The following WDR49 variants were observed in gnomAD, a reference collection of about 807,000 sequenced individuals.
WDR49 encodes cilia- and flagella-associated protein 337.
Under a neutral mutation model 119.5 loss-of-function variants are expected in WDR49, and 107 were observed. The observed-to-expected ratio is 0.90, with a 90% CI of 0.77 to 1.05. The LOEUF is 1.05. WDR49 is among the 50% of genes least tolerant of loss of function. WDR49 has a pLI of 0.00. For synonymous variants in WDR49, 425 were observed against 418.8 expected (o/e 1.01, Z -0.18); for missense variants, 1,240 against 1,220.5 (o/e 1.02, Z -0.24).
chr3:167,496,514 C>T lies in WDR49; in HGVS notation c.3031+3639G>A, dbSNP rs147289047. On this transcript the variant is annotated intron_variant, in intron 18 of 18. Transcript: ENST00000682715. ...GCAACTTAACTTTTAACATCTAGCT[C>T]GGGTATACTCTGGTTTCCCTGAAAA... Among the ~76,000 whole-genome samples, 396 of 151,922 alleles carry T rather than the reference C, an allele frequency of 2.6e-3. 3 individuals are homozygous for T. Among genetic ancestry groups the T allele is most frequent in the African/African-American group, 9.2e-3 (382 of 41,414 alleles).
chr3:167,492,108 A>T (rs1437272351), intron 18 of WDR49, among the ~76,000 whole-genome samples: 1 of 152,102 alleles, frequency 6.6e-6, no homozygotes, highest in East Asian at 1.9e-4. Context: ...TAGCCTCTGC[A>T]ATGATAGTGT....
Position 167,527,886 on chromosome 3 carries a change from G to C in WDR49, c.2538C>G (p.Ser846=). The C allele has an allele frequency of 6.2e-7, 1 of 1,613,228 alleles. No homozygotes were observed. Among genetic ancestry groups the C allele is most frequent in the South Asian group, 1.1e-5 (1 of 91,054 alleles). Residue 846 remains serine, a synonymous_variant, in exon 15 of 19, where the codon TCC becomes TCG. Coordinates refer to ENST00000682715, the MANE Select transcript of WDR49 (RefSeq NM_001366157.1). The stretch of plus-strand genomic sequence containing the variant: ...CACAAATACTGCAGTCTGCAGAGGA[G>C]GAGATAATCAGTAACTGACCACCTG... ...CEPGGQLLII[S]SSADCSICVT... is the part of the protein sequence containing the mutation.
At chr3:167,575,785 G>T in intron 8 of WDR49, 133 bp downstream of exon 8, 1 of 845,522 alleles carries the variant, frequency 1.2e-6, no homozygotes, top group Non-Finnish European at 1.8e-6. Flanking sequence ...AAAGCACATG[G>T]CTATTAAATC....
chr3:167,604,309 T>C lies in WDR49; in HGVS notation c.1118A>G (p.Asn373Ser), dbSNP rs948303483. Reference sequence around the variant, plus strand: ...TGATTTATTTTACCTACCAATTAAATTGAGCCGAGAGTGATAATCAAAAGC... The same window carrying C: ...TGATTTATTTTACCTACCAATTAAACTGAGCCGAGAGTGATAATCAAAAGC... The part of the protein sequence containing the change: ...IHAFDYHSRL[N>S]LIATAGINNK... The change falls in exon 6 of 19, where the codon AAT becomes AGT. Residue 373 changes from asparagine (N) to serine (S), a missense_variant. Coordinates refer to ENST00000682715, the MANE Select transcript of WDR49 (RefSeq NM_001366157.1). 2 of 1,613,394 alleles carry C rather than the reference T, an allele frequency of 1.2e-6. No homozygotes were observed. Among genetic ancestry groups the C allele is most frequent in the Non-Finnish European group, 1.7e-6 (2 of 1,179,716 alleles).
In WDR49 at chr3:167,579,480, T is replaced by C. The variant is rs190362269; in HGVS notation, c.1276-3329A>G. 2.6e-5 allele frequency among the ~76,000 whole-genome samples: 4 copies of C among 152,262 alleles called. No individual in the cohort carries two copies. In the East Asian group the frequency reaches 7.7e-4, roughly 29 times the overall value. On this transcript the variant is annotated intron_variant, in intron 7 of 18. Transcript: ENST00000682715. ...TAATTATGCTTCTAGCATAGGGTAATGTCTCCATTTACTCTAACTACCAGC... is the reference window on the plus strand; with the variant it reads ...TAATTATGCTTCTAGCATAGGGTAACGTCTCCATTTACTCTAACTACCAGC...
intron 5 of WDR49, among the ~76,000 whole-genome samples, chr3:167,612,571 C>T (rs1716390973): frequency 6.6e-6 from 1 of 150,574 alleles, no homozygotes; most frequent in Non-Finnish European, 1.5e-5. Flanking sequence ...AAAGCTTTAG[C>T]CAGATTAAGA....
At chr3:167,582,809 A>C (rs1258734524) in intron 7 of WDR49, among the ~76,000 whole-genome samples, 6 of 152,086 alleles carry the variant, frequency 3.9e-5, no homozygotes, top group Non-Finnish European at 8.8e-5. Flanking sequence ...GTAGTTGGAC[A>C]TTATAGTGCA....
intron 16 of WDR49, among the ~76,000 whole-genome samples, chr3:167,517,426 T>C (rs997081147): frequency 1.3e-5 from 2 of 152,158 alleles, no homozygotes; most frequent in Non-Finnish European, 2.9e-5. Flanking sequence ...GAAGAAAGGA[T>C]TCCCTATTTA....
At chr3:167,629,342 A>C (rs562905288) in intron 2 of WDR49, among the ~76,000 whole-genome samples, 12 of 152,224 alleles carry the variant, frequency 7.9e-5, no homozygotes, top group African/African-American at 2.9e-4. Context: ...CTGAATATAC[A>C]GTGTGGTTTA....
intron 9 of WDR49, among the ~76,000 whole-genome samples, chr3:167,555,747 G>T (rs1712885345): frequency 6.7e-6 from 1 of 149,058 alleles, no homozygotes; most frequent in African/African-American, 2.5e-5. Context: ...TGCATTCAGT[G>T]TGATGGTAGG....
At chr3:167,535,459 C>T (rs1036237928) in intron 11 of WDR49, among the ~76,000 whole-genome samples, 7 of 152,082 alleles carry the variant, frequency 4.6e-5, no homozygotes, top group Non-Finnish European at 8.8e-5. Flanking sequence ...CAAAAGAAGA[C>T]ACACAAATGG....
intron 7 of WDR49, among the ~76,000 whole-genome samples, chr3:167,595,159 A>G (rs1439632383): frequency 6.6e-6 from 1 of 152,150 alleles, no homozygotes; most frequent in African/African-American, 2.4e-5. Context: ...TCTAACTTAC[A>G]AGGGATGTGA....
At chr3:167,516,135 G>T (rs1266667278) in intron 16 of WDR49, among the ~76,000 whole-genome samples, 1 of 151,984 alleles carries the variant, frequency 6.6e-6, no homozygotes, top group Non-Finnish European at 1.5e-5. Context: ...TAAGTTTTAG[G>T]GTACATGTGC....
intron 8 of WDR49, among the ~76,000 whole-genome samples, chr3:167,570,326 A>T (rs909724179): frequency 6.6e-6 from 1 of 152,214 alleles, no homozygotes; most frequent in Non-Finnish European, 1.5e-5. Context: ...CAATTTTACA[A>T]TTACCAAGGG....
intron 17 of WDR49, among the ~76,000 whole-genome samples, chr3:167,501,149 A>G (rs1001112307): frequency 7.9e-5 from 12 of 152,176 alleles, no homozygotes; most frequent in African/African-American, 2.7e-4. Flanking sequence ...TACATTTCTA[A>G]TAAGTTCTAG....
At chr3:167,524,410 T>C (rs1045197461) in intron 15 of WDR49, among the ~76,000 whole-genome samples, 8 of 152,042 alleles carry the variant, frequency 5.3e-5, no homozygotes, top group Admixed American at 5.2e-4. Context: ...TTTAGCTTAA[T>C]TAGATTGCAT....
intron 2 of WDR49, among the ~76,000 whole-genome samples, chr3:167,649,610 G>A (rs1718279113): frequency 6.6e-6 from 1 of 152,184 alleles, no homozygotes; most frequent in African/African-American, 2.4e-5. Context: ...TTGAGATTCA[G>A]TTTGAATAAG....
At chr3:167,566,388 A>T (rs915553929) in intron 8 of WDR49, among the ~76,000 whole-genome samples, 6 of 152,188 alleles carry the variant, frequency 3.9e-5, no homozygotes, top group African/African-American at 1.2e-4. Context: ...ATCTGTGAAA[A>T]TGGACAAGGT....
At chr3:167,596,750 T>G (rs1715473171) in intron 7 of WDR49, among the ~76,000 whole-genome samples, 1 of 145,892 alleles carries the variant, frequency 6.9e-6, no homozygotes, top group Non-Finnish European at 1.5e-5. Flanking sequence ...GGGATAGCAC[T>G]GGGAGATATA....
Sources: allele counts gnomAD v4.1 joint callset (sites outside exome capture counted in the v4.1 genomes callset), GRCh38; gene constraint gnomAD v4.1.1; transcripts MANE v1.5; gene names NCBI Gene and HGNC (gene_info 2026-07-23, HGNC 2026-07-21).